The following CACHD1 variants were observed in gnomAD, a reference collection of about 807,000 sequenced individuals.
The protein encoded by CACHD1 is cache domain containing 1.
Under a neutral mutation model 138.7 loss-of-function variants are expected in CACHD1, and 71 were observed. The observed-to-expected ratio is 0.51, with a 90% CI of 0.42 to 0.62. The LOEUF (loss-of-function observed/expected upper bound fraction) is 0.62, where lower values mean the gene tolerates loss of function less well. CACHD1 is among the 20% of genes least tolerant of loss of function. The pLI, the probability that CACHD1 is intolerant of heterozygous loss-of-function variation, is 0.00. For synonymous variants in CACHD1, 578 were observed against 591.5 expected, an observed-to-expected ratio of 0.98 and a Z score of 0.33; for missense variants, 1,389 against 1,625.3, an observed-to-expected ratio of 0.85 and a Z score of 2.50.
chr1:64,654,636 GCTT>G, intron 11 of CACHD1, 47 bp from the exon 12 acceptor site: 1 of 1,372,932 alleles, frequency 7.3e-7, no homozygotes. Context: ...TTAATTAAGT[GCTT>G]AATTTTATCT....
chr1:64,579,673 G>T (rs1646996426), intron 2 of CACHD1, among the ~76,000 whole-genome samples: 1 of 152,058 alleles, frequency 6.6e-6, no homozygotes, highest in African/African-American at 2.4e-5. Context: ...TTAAAAATAA[G>T]TATGTTTTAA....
intron 4 of CACHD1, among the ~76,000 whole-genome samples, chr1:64,608,585 C>G (rs1557517399): frequency 1.3e-5 from 2 of 152,204 alleles, no homozygotes. Context: ...TCATCCAACA[C>G]ATATGTGTAT....
chr1:64,601,592 G>T (rs1246895467), intron 3 of CACHD1, among the ~76,000 whole-genome samples: 1 of 152,230 alleles, frequency 6.6e-6, no homozygotes, highest in African/African-American at 2.4e-5. Context: ...AGCTTTTGCT[G>T]TTGAAACCAA....
rs761699943 is a variant in CACHD1 at position 64,634,163 on chromosome 1, C to T, written c.909C>T (p.Ser303=). Residue 303 remains serine, a synonymous_variant, in exon 7 of 27, where the codon AGC becomes AGT. Coordinates refer to ENST00000651257, the MANE Select transcript of CACHD1 (RefSeq NM_020925.4). ...TKRKMSTFVS[S]VKSSDSPTQH... is the part of the protein sequence containing the mutation. Reference sequence around the variant, plus strand: ...GGAAAATGTCCACCTTTGTTAGCAGCGTGAAGTCTTCAGACAGTCCTACCC... The same window carrying T: ...GGAAAATGTCCACCTTTGTTAGCAGTGTGAAGTCTTCAGACAGTCCTACCC... 2.8e-5 allele frequency: 45 copies of T among 1,613,816 alleles called. No individual in the cohort carries two copies. The highest frequency in any genetic ancestry group is 2.7e-4 in the African/African-American group (20 of 74,968).
At chr1:64,539,528 C>G (rs1646661118) in intron 1 of CACHD1, among the ~76,000 whole-genome samples, 1 of 152,144 alleles carries the variant, frequency 6.6e-6, no homozygotes, top group South Asian at 2.1e-4. Context: ...CAGGGCCTCT[C>G]TAGAATGTGA....
chr1:64,676,039 T>C lies in CACHD1; in HGVS notation c.2975+56T>C, dbSNP rs1055271288. ...ATAATAATAATAATAATAATAATAA[T>C]ACATATGTAATACTGTGAGTCTCTT... On this transcript the variant is annotated intron_variant, in intron 21 of 26. Coordinates refer to ENST00000651257, the MANE Select transcript of CACHD1 (RefSeq NM_020925.4). The C allele has an allele frequency of 4.5e-6, 2 of 447,822 alleles. 1 individual carries two copies. The highest frequency in any genetic ancestry group is 1.8e-4 in the South Asian group (2 of 11,310). The allele number at this position is 447,822 out of a possible 1,614,324, so 27.7% of individuals were successfully genotyped here.
At chr1:64,509,447 T>C (rs1301565905) in intron 1 of CACHD1, among the ~76,000 whole-genome samples, 1 of 152,222 alleles carries the variant, frequency 6.6e-6, no homozygotes, top group East Asian at 1.9e-4. Flanking sequence ...CACTTGTTAT[T>C]AAAAAGGTGT....
intron 3 of CACHD1, among the ~76,000 whole-genome samples, chr1:64,586,244 A>G (rs1647050690): frequency 6.6e-6 from 1 of 152,086 alleles, no homozygotes; most frequent in Non-Finnish European, 1.5e-5. Context: ...TTGTATTTTT[A>G]GTAGAGATGG....
intron 1 of CACHD1, among the ~76,000 whole-genome samples, chr1:64,538,220 G>A (rs936868204): frequency 6.6e-6 from 1 of 152,124 alleles, no homozygotes; most frequent in African/African-American, 2.4e-5. Flanking sequence ...TTCCATAAAG[G>A]CTCACTACTT....
At chr1:64,482,655 G>A in intron 1 of CACHD1, among the ~76,000 whole-genome samples, 1 of 152,198 alleles carries the variant, frequency 6.6e-6, no homozygotes, top group East Asian at 1.9e-4. Context: ...TTTATGAAAA[G>A]GGGAAATTTG....
At chr1:64,679,552 G>C (rs1650101007) in intron 23 of CACHD1, 43 bp from the exon 24 acceptor site, 1 of 1,606,940 alleles carries the variant, frequency 6.2e-7, no homozygotes, top group South Asian at 1.1e-5. Context: ...TTCCCCACTT[G>C]GGAAATCTTA....
At chr1:64,554,796 G>A (rs1209391791) in intron 2 of CACHD1, among the ~76,000 whole-genome samples, 2 of 152,176 alleles carry the variant, frequency 1.3e-5, no homozygotes, top group African/African-American at 4.8e-5. Context: ...ATTAGGGCAA[G>A]TAGAGTAGCT....
chr1:64,553,146 T>G (rs2100460010), intron 2 of CACHD1, among the ~76,000 whole-genome samples: 1 of 152,352 alleles, frequency 6.6e-6, no homozygotes, highest in African/African-American at 2.4e-5. Context: ...GATTTCCAGA[T>G]CCTTTCAGTA....
chr1:64,604,790 T>A (rs1647287244), intron 4 of CACHD1, among the ~76,000 whole-genome samples: 1 of 151,394 alleles, frequency 6.6e-6, no homozygotes, highest in Non-Finnish European at 1.5e-5. Context: ...GTAGCTGGGA[T>A]TATAGGTGCC....
chr1:64,628,852 C>G (rs1648204367), intron 4 of CACHD1, among the ~76,000 whole-genome samples: 2 of 152,254 alleles, frequency 1.3e-5, no homozygotes, highest in African/African-American at 2.4e-5. Context: ...TAAGTAACAG[C>G]TTTACTGAAT....
chr1:64,634,201 G>A lies in CACHD1; in HGVS notation c.947G>A (p.Gly316Glu). 6.2e-7 allele frequency: 1 copy of A among 1,613,824 alleles called. No individual in the cohort carries two copies. Among genetic ancestry groups the A allele is most frequent in the Non-Finnish European group, 8.5e-7 (1 of 1,179,934 alleles). Residue 316 changes from glycine to glutamate, a missense_variant, in exon 7 of 27, where the codon GGA becomes GAA. Around this residue, in one of 5 missense-constraint regions of CACHD1, gnomAD observed 1,000 missense variants for 1,114.7 expected, o/e 0.90. Transcript: ENST00000651257. ...SSDSPTQHAVGFQKAFQLIRS... is the reference protein window; with the variant it reads ...SSDSPTQHAVEFQKAFQLIRS... The stretch of plus-strand genomic sequence containing the variant: ...GACAGTCCTACCCAGCACGCAGTGG[G>A]ATTCCAAAAGGCATTTCAGCTGATT...
chr1:64,494,283 G>C (rs1646294302), intron 1 of CACHD1, among the ~76,000 whole-genome samples: 1 of 152,160 alleles, frequency 6.6e-6, no homozygotes, highest in East Asian at 1.9e-4. Flanking sequence ...CTTGTAAAGT[G>C]GGACTGTGGC....
chr1:64,551,669 T>A (rs1646760163), intron 2 of CACHD1, among the ~76,000 whole-genome samples: 1 of 152,216 alleles, frequency 6.6e-6, no homozygotes, highest in African/African-American at 2.4e-5. Context: ...ATAGTAAAGT[T>A]GTTTGTAGGA....
chr1:64,593,050 G>A (rs907998253), intron 3 of CACHD1, among the ~76,000 whole-genome samples: 5 of 152,180 alleles, frequency 3.3e-5, no homozygotes, highest in African/African-American at 4.8e-5. Context: ...GAAAAGAGGA[G>A]CAAAAGAAAA....
Sources: gnomAD v4.1 joint callset for allele counts (sites outside exome capture counted in the v4.1 genomes callset) on GRCh38, gnomAD v4.1.1 for gene constraint, gnomAD v4.1.1 regional missense constraint, MANE v1.5 for transcripts, NCBI Gene and HGNC (gene_info 2026-07-23, HGNC 2026-07-21) for gene names.